Variants in AGBL4 observed in about 807,000 individuals in gnomAD.
The protein encoded by AGBL4 is AGBL carboxypeptidase 4.
A neutral mutation model predicts 66.4 loss-of-function variants in AGBL4; 58 were observed. That is an observed-to-expected ratio of 0.87 (90% confidence interval 0.71 to 1.09). AGBL4 has a LOEUF of 1.09. Among genes scored for constraint, AGBL4 ranks in the 50% least tolerant of loss-of-function variants. The probability of loss-of-function intolerance (pLI) is 0.00; values close to 1 mark genes in which losing one functional copy is unlikely to be tolerated. For missense variants in AGBL4, 579 were observed against 631.0 expected (o/e 0.92, Z 0.88); for synonymous variants, 234 against 222.9 (o/e 1.05, Z -0.44).
intron 11 of AGBL4, among the ~76,000 whole-genome samples, chr1:48,557,070 G>A (rs1220292913): frequency 6.6e-6 from 1 of 152,166 alleles, no homozygotes; most frequent in Non-Finnish European, 1.5e-5. Context: ...GATTACAGGT[G>A]TTAGCCACTG....
intron 5 of AGBL4, among the ~76,000 whole-genome samples, chr1:49,041,253 T>A (rs1643934276): frequency 6.6e-6 from 1 of 152,136 alleles, no homozygotes; most frequent in Admixed American, 6.6e-5. Flanking sequence ...AAGGATTAAC[T>A]AATTATACTG....
intron 6 of AGBL4, among the ~76,000 whole-genome samples, chr1:48,812,013 A>G (rs939411522): frequency 6.6e-6 from 1 of 152,188 alleles, no homozygotes; most frequent in African/African-American, 2.4e-5. Context: ...AAACTCAGGA[A>G]GGTCCATCCA....
chr1:48,892,647 CTTTT>C (rs1317006395), intron 5 of AGBL4, among the ~76,000 whole-genome samples: 58 of 152,298 alleles, frequency 3.8e-4, no homozygotes, highest in African/African-American at 1.4e-3. Flanking sequence ...CAGTTGCATT[CTTTT>C]GAGTTTCTGA....
chr1:48,619,777 C>T (rs1645380109), intron 9 of AGBL4, among the ~76,000 whole-genome samples: 1 of 152,168 alleles, frequency 6.6e-6, no homozygotes, highest in Non-Finnish European at 1.5e-5. Flanking sequence ...CCTTGAAGTG[C>T]CCTGTAGGAT....
chr1:48,813,379 G>C (rs1250664592), intron 6 of AGBL4, among the ~76,000 whole-genome samples: 1 of 152,156 alleles, frequency 6.6e-6, no homozygotes, highest in African/African-American at 2.4e-5. Context: ...TTCAGTTCAT[G>C]AGTGGAAATA....
intron 9 of AGBL4, among the ~76,000 whole-genome samples, chr1:48,616,088 T>C (rs748773462): frequency 6.6e-6 from 1 of 152,156 alleles, no homozygotes; most frequent in Non-Finnish European, 1.5e-5. Context: ...GGGGATTCAG[T>C]TTCAGCATAT....
intron 4 of AGBL4, among the ~76,000 whole-genome samples, chr1:49,114,302 C>T (rs1645472526): frequency 6.6e-6 from 1 of 152,140 alleles, no homozygotes. Context: ...ATGAACCAAC[C>T]TCTGCTAACT....
intron 5 of AGBL4, among the ~76,000 whole-genome samples, chr1:49,039,506 A>G (rs1295345800): frequency 6.6e-6 from 1 of 152,118 alleles, no homozygotes; most frequent in Non-Finnish European, 1.5e-5. Flanking sequence ...ACCGTTCTAA[A>G]AAAGAAAAGA....
chr1:49,805,304 T>G (rs896102407), intron 2 of AGBL4, among the ~76,000 whole-genome samples: 1 of 152,150 alleles, frequency 6.6e-6, no homozygotes, highest in African/African-American at 2.4e-5. Flanking sequence ...TGGAGGTTAT[T>G]AATGAACTTG....
At chr1:49,381,381 C>T (rs1644605134) in intron 3 of AGBL4, among the ~76,000 whole-genome samples, 2 of 152,194 alleles carry the variant, frequency 1.3e-5, no homozygotes, top group Non-Finnish European at 2.9e-5. Flanking sequence ...AATAGGAACA[C>T]TTTGACACTG....
intron 3 of AGBL4, among the ~76,000 whole-genome samples, chr1:49,429,753 T>C (rs1035700427): frequency 2.6e-5 from 4 of 152,074 alleles, no homozygotes; most frequent in Admixed American, 2.0e-4. Flanking sequence ...ATATTTAAAA[T>C]CCCTTATTAA....
At chr1:49,525,478 G>GA (rs1448080541) in intron 3 of AGBL4, among the ~76,000 whole-genome samples, 1 of 151,982 alleles carries the variant, frequency 6.6e-6, no homozygotes, top group Non-Finnish European at 1.5e-5. Context: ...TGGTGAGCCT[G>GA]AGAGAATCTT....
chr1:49,253,554 C>T (rs201935705), intron 3 of AGBL4, among the ~76,000 whole-genome samples: 1 of 152,056 alleles, frequency 6.6e-6, no homozygotes, highest in African/African-American at 2.4e-5. Flanking sequence ...CCAAAAAAAG[C>T]TGGGGACCAG....
At chr1:49,698,285 T>C (rs575295779) in intron 2 of AGBL4, among the ~76,000 whole-genome samples, 1 of 152,268 alleles carries the variant, frequency 6.6e-6, no homozygotes, top group Non-Finnish European at 1.5e-5. Context: ...ATCATATTAA[T>C]AGAAACATGA....
At chr1:49,615,782 A>C (rs184003791) in intron 3 of AGBL4, among the ~76,000 whole-genome samples, 18 of 152,278 alleles carry the variant, frequency 1.2e-4, no homozygotes, top group Non-Finnish European at 2.9e-5. Context: ...CAAGTCATTT[A>C]AATCAATAAA....
At chr1:49,618,713 A>C (rs569410957) in intron 3 of AGBL4, among the ~76,000 whole-genome samples, 48 of 152,298 alleles carry the variant, frequency 3.2e-4, no homozygotes, top group Admixed American at 1.2e-3. Context: ...TCAATGCAAA[A>C]ATCCTCAATA....
rs1645078828 is a variant in AGBL4, at chr1:48,601,891, C to T, written c.952-10906G>A. 1.3e-5 allele frequency among the ~76,000 whole-genome samples: 2 copies of T among 152,104 alleles called. 1 individual carries two copies. Among genetic ancestry groups the T allele is most frequent in the South Asian group, 4.1e-4 (2 of 4,826 alleles). The stretch of plus-strand genomic sequence containing the variant: ...TACAAGTAGAAAAGCCAGGCCTTCC[C>T]TCAGAAAGCCCCAGTCTGAGCAGGA... On this transcript the variant is annotated intron_variant, in intron 9 of 13. Transcript: ENST00000371839.
At chr1:48,525,950 C>T in the AGBL4 span, among the ~76,000 whole-genome samples, 1 of 152,280 alleles carries the variant, frequency 6.6e-6, no homozygotes, top group Admixed American at 6.5e-5. Context: ...CTTTGCACCA[C>T]TCCATCCTAA....
At chr1:49,831,726 G>T (rs1335523920) in intron 2 of AGBL4, among the ~76,000 whole-genome samples, 1 of 152,184 alleles carries the variant, frequency 6.6e-6, no homozygotes, top group African/African-American at 2.4e-5. Flanking sequence ...TGCCCATTCA[G>T]TATGATACTG....
Sources: allele counts gnomAD v4.1 joint callset (sites outside exome capture counted in the v4.1 genomes callset), GRCh38; gene constraint gnomAD v4.1.1; transcripts MANE v1.5; gene names NCBI Gene and HGNC (gene_info 2026-07-23, HGNC 2026-07-21).